The following L3MBTL3 variants were observed in gnomAD, a reference collection of about 807,000 sequenced individuals.
L3MBTL3 encodes the protein lethal(3)malignant brain tumor-like protein 3.
A neutral mutation model predicts 102.3 loss-of-function variants in L3MBTL3; 27 were observed. That is an observed-to-expected ratio of 0.26 (90% confidence interval 0.19 to 0.36). L3MBTL3 has a LOEUF of 0.36. Ranked by LOEUF, L3MBTL3 falls within the 10% of genes least tolerant of loss-of-function variation. The pLI is 1.00. For missense variants in L3MBTL3, 798 were observed against 955.3 expected (o/e 0.84, Z 2.17); for synonymous variants, 340 against 320.9 (o/e 1.06, Z -0.64).
At chr6:130,125,927 A>T (rs993224902) in intron 20 of L3MBTL3, among the ~76,000 whole-genome samples, 3 of 152,086 alleles carry the variant, frequency 2.0e-5, no homozygotes, top group Non-Finnish European at 2.9e-5. Flanking sequence ...CCCCTCTTAA[A>T]AAAGGATATT....
chr6:130,113,361 A>G (rs969875679), intron 19 of L3MBTL3, among the ~76,000 whole-genome samples: 2 of 152,192 alleles, frequency 1.3e-5, no homozygotes, highest in Non-Finnish European at 1.5e-5. Context: ...TTCAGGGGTA[A>G]TACTTCACAA....
intron 2 of L3MBTL3, among the ~76,000 whole-genome samples, chr6:130,023,779 A>G (rs1584265337): frequency 6.6e-6 from 1 of 152,212 alleles, no homozygotes; most frequent in Admixed American, 6.5e-5. Context: ...TGTCTAAGTC[A>G]GAATATAGTG....
intron 20 of L3MBTL3, among the ~76,000 whole-genome samples, chr6:130,132,627 A>G (rs1435700522): frequency 6.6e-6 from 1 of 152,224 alleles, no homozygotes; most frequent in Non-Finnish European, 1.5e-5. Flanking sequence ...CTAAAGGACC[A>G]TAAGGAGACG....
chr6:130,100,972 T>C (rs1784652750), intron 18 of L3MBTL3, among the ~76,000 whole-genome samples: 1 of 152,232 alleles, frequency 6.6e-6, no homozygotes, highest in Non-Finnish European at 1.5e-5. Context: ...AGTTATTTAA[T>C]AATTGTAAGG....
intron 16 of L3MBTL3, among the ~76,000 whole-genome samples, chr6:130,091,643 G>T (rs139533585): frequency 6.6e-6 from 1 of 151,808 alleles, no homozygotes. Context: ...AAGAGAAGTG[G>T]TATATATACA....
At position 130,055,235 on chromosome 6, in the gene L3MBTL3, A is replaced by G; in HGVS notation, c.647A>G (p.Asp216Gly). The G allele has an allele frequency of 6.2e-7, 1 of 1,613,536 alleles. No homozygotes were observed. The highest frequency in any genetic ancestry group is 2.2e-5 in the East Asian group (1 of 44,868). Reference protein sequence around the residue: ...SQRARRKRRGDSAVLKQGLPP... With the variant: ...SQRARRKRRGGSAVLKQGLPP... ...AGAGCACGGAGGAAAAGACGAGGGG[A>G]TTCGGCTGTACTAAAGCAGGGTGAG... The change falls in exon 8 of 23, where the codon GAT (aspartate) becomes GGT (glycine). Residue 216 changes from aspartate to glycine, a missense_variant. Transcript: ENST00000361794.
intron 19 of L3MBTL3, among the ~76,000 whole-genome samples, chr6:130,112,366 A>G (rs745437827): frequency 6.6e-6 from 1 of 152,224 alleles, no homozygotes; most frequent in Admixed American, 6.5e-5. Context: ...CAATAGCTGT[A>G]TAACATTTCT....
At chr6:130,035,008 G>C (rs1779964459) in intron 2 of L3MBTL3, among the ~76,000 whole-genome samples, 1 of 152,180 alleles carries the variant, frequency 6.6e-6, no homozygotes. Flanking sequence ...AGAGAGCTTT[G>C]TGGAAATGGA....
chr6:130,049,558 G>A (rs1780956556), intron 4 of L3MBTL3, 165 bp downstream of exon 4: 1 of 721,752 alleles, frequency 1.4e-6, no homozygotes, highest in Non-Finnish European at 2.2e-6. Context: ...CAGCATTTAT[G>A]TTTTAAAATA....
chr6:130,022,737 G>A (rs1779091360), intron 2 of L3MBTL3, among the ~76,000 whole-genome samples: 1 of 152,176 alleles, frequency 6.6e-6, no homozygotes, highest in African/African-American at 2.4e-5. Flanking sequence ...TTTACATTGG[G>A]TGCTTTGGGG....
chr6:130,042,915 GT>G lies in L3MBTL3; in HGVS notation c.102+118del, dbSNP rs1267796867. 1.8e-5 allele frequency: 12 copies of G among 674,492 alleles called. No individual in the cohort carries two copies. In the Admixed American group the frequency reaches 2.5e-4, roughly 14 times the overall value. The allele number at this position is 674,492 out of a possible 1,614,324, so 41.8% of individuals were successfully genotyped here. On this transcript the variant is annotated intron_variant, in intron 3 of 22. Transcript: ENST00000361794. ...AAAAGCATTAATCATAGTGGTGTAG[GT>G]TTTAGATGATGCTTAGACCTCCACA...
rs1480131457 is a variant in L3MBTL3, at chr6:130,133,128, C to T, written c.1967-324C>T. ...GAAAGGGGAGCAAATAAACAACTTC[C>T]TAGAATAAGACTAACTTTCCTTCCC... On this transcript the variant is annotated intron_variant, in intron 20 of 22. Coordinates refer to ENST00000361794, the MANE Select transcript of L3MBTL3 (RefSeq NM_032438.4). The surrounding 1 kb of genome is among the most constrained non-coding windows in gnomAD (Gnocchi z 4.9). Among the ~76,000 whole-genome samples the T allele has an allele frequency of 6.6e-6, 1 of 152,094 alleles. No homozygotes were observed. The highest frequency in any genetic ancestry group is 2.4e-5 in the African/African-American group (1 of 41,430).
At chr6:130,036,063 A>G (rs1780040717) in intron 2 of L3MBTL3, among the ~76,000 whole-genome samples, 1 of 152,074 alleles carries the variant, frequency 6.6e-6, no homozygotes, top group Non-Finnish European at 1.5e-5. Context: ...GGTGATACCT[A>G]CAAGAACAAA....
chr6:130,041,831 T>G (rs550675033), intron 2 of L3MBTL3, among the ~76,000 whole-genome samples: 8 of 152,342 alleles, frequency 5.3e-5, no homozygotes, highest in South Asian at 4.1e-4. Context: ...GAAATCAGCT[T>G]CTTCTATGGG....
intron 7 of L3MBTL3, among the ~76,000 whole-genome samples, chr6:130,053,752 A>G (rs1439811358): frequency 2.6e-5 from 4 of 152,194 alleles, no homozygotes; most frequent in Non-Finnish European, 5.9e-5. Context: ...TCATATTCCT[A>G]AAGGCATCTA....
At chr6:130,054,951 G>A (rs1022388220) in intron 7 of L3MBTL3, 8 of 480,614 alleles carry the variant, frequency 1.7e-5, no homozygotes, top group Admixed American at 3.4e-5. Flanking sequence ...CGGTGTCCAT[G>A]CCCTTCCAAC....
At chr6:130,098,361 G>C (rs1784479999) in intron 18 of L3MBTL3, among the ~76,000 whole-genome samples, 1 of 152,052 alleles carries the variant, frequency 6.6e-6, no homozygotes, top group Admixed American at 6.5e-5. Flanking sequence ...TAGAGGAGAG[G>C]GTCCCTCCTT....
At chr6:130,101,601 C>G (rs1256883842) in intron 18 of L3MBTL3, among the ~76,000 whole-genome samples, 2 of 152,188 alleles carry the variant, frequency 1.3e-5, no homozygotes, top group African/African-American at 2.4e-5. Flanking sequence ...GAACTGAGGA[C>G]TACACCAGGG....
rs1013093377 is a variant in L3MBTL3, at chr6:130,086,144, C to T, written c.1412C>T (p.Pro471Leu). 7.5e-6 allele frequency: 12 copies of T among 1,610,222 alleles called. No individual in the cohort carries two copies. The highest frequency in any genetic ancestry group is 6.7e-5 in the Admixed American group (4 of 59,694). The change falls in exon 16 of 23, where the codon CCT (proline) becomes CTT (leucine). Residue 471 changes from proline to leucine, a missense_variant. Pro to Leu is a moderately conservative substitution (Grantham distance 98, BLOSUM62 -3). Coordinates refer to ENST00000361794, the MANE Select transcript of L3MBTL3 (RefSeq NM_032438.4). ...TAAAATTTTTTTTTGTGGCAGAAAC[C>T]TCCTCATGGATTCCAGAAAAAAATG... ...PAPARAFKVK[P>L]PHGFQKKMKL... is the part of the protein sequence containing the mutation.
Sources: allele counts gnomAD v4.1 joint callset (sites outside exome capture counted in the v4.1 genomes callset), GRCh38; gene constraint gnomAD v4.1.1; non-coding constraint Gnocchi (gnomAD v3.1); transcripts MANE v1.5; gene names NCBI Gene and HGNC (gene_info 2026-07-23, HGNC 2026-07-21).